GCNT1: variants seen among roughly 807,000 people sequenced by gnomAD.
The protein encoded by GCNT1 is glucosaminyl (N-acetyl) transferase 1.
A neutral mutation model predicts 26.2 loss-of-function variants in GCNT1; 16 were observed. The observed-to-expected ratio is 0.61, with a 90% CI of 0.41 to 0.93. The LOEUF (loss-of-function observed/expected upper bound fraction) is 0.93. GCNT1 is among the 40% of genes least tolerant of loss of function. The probability of loss-of-function intolerance (pLI) is 0.00; values close to 1 mark genes in which losing one functional copy is unlikely to be tolerated. For synonymous variants in GCNT1, 183 were observed against 190.8 expected, an observed-to-expected ratio of 0.96 and a Z score of 0.34; for missense variants, 477 against 526.7, an observed-to-expected ratio of 0.91 and a Z score of 0.92.
chr9:76,425,521 C>A (rs1458774448), intron 1 of GCNT1, among the ~76,000 whole-genome samples: 7 of 152,054 alleles, frequency 4.6e-5, no homozygotes, highest in South Asian at 2.1e-4. Flanking sequence ...CTGCACCCGG[C>A]CTTAATTTAA....
chr9:76,416,185 GA>G (rs1823130861), upstream of GCNT1, among the ~76,000 whole-genome samples: 2 of 152,104 alleles, frequency 1.3e-5, no homozygotes, highest in African/African-American at 4.8e-5. Context: ...GGCAGAGAAG[GA>G]AAGAAGAGAA....
Position 76,502,516 on chromosome 9 carries a change from C to T in GCNT1, c.135C>T (p.His45=), listed in dbSNP as rs1825106409. The change falls in exon 4 of 4, where the codon CAC becomes CAT. Residue 45 remains histidine, a synonymous_variant. Coordinates refer to ENST00000376730, the MANE Select transcript of GCNT1 (RefSeq NM_001490.5). Reference sequence around the variant, plus strand: ...AGCCTGAATTTGTAAGTGTCAGACACTTGGAGCTTGCTGGGGAGAATCCTA... The same window carrying T: ...AGCCTGAATTTGTAAGTGTCAGACATTTGGAGCTTGCTGGGGAGAATCCTA... The part of the protein sequence containing the change: ...HQKPEFVSVR[H]LELAGENPSS... 1 of 1,613,874 alleles carries T rather than the reference C, an allele frequency of 6.2e-7. No individual in the cohort carries two copies. The highest frequency in any genetic ancestry group is 8.5e-7 in the Non-Finnish European group (1 of 1,179,900).
At chr9:76,397,368 A>G in the GCNT1 span, among the ~76,000 whole-genome samples, 3 of 152,168 alleles carry the variant, frequency 2.0e-5, no homozygotes, top group African/African-American at 2.4e-5. Flanking sequence ...TCAGGCTCCA[A>G]TCTTTAAAAC....
chr9:76,468,543 G>T (rs1032158010), intron 2 of GCNT1, among the ~76,000 whole-genome samples: 6 of 152,358 alleles, frequency 3.9e-5, no homozygotes, highest in Non-Finnish European at 8.8e-5. Context: ...GCTTTAGTCT[G>T]TAGAAGCTTT....
intron 2 of GCNT1, among the ~76,000 whole-genome samples, chr9:76,478,175 G>A (rs1314760979): frequency 1.3e-5 from 2 of 152,180 alleles, no homozygotes; most frequent in African/African-American, 4.8e-5. Flanking sequence ...AACCTGCTCA[G>A]GTATCCTTCC....
intron 2 of GCNT1, among the ~76,000 whole-genome samples, chr9:76,479,648 A>G (rs1419597002): frequency 3.9e-5 from 6 of 152,218 alleles, no homozygotes; most frequent in African/African-American, 9.6e-5. Context: ...TGTTGGCTGC[A>G]TAAATGTCTT....
At chr9:76,414,066 G>C in the GCNT1 span, among the ~76,000 whole-genome samples, 4 of 152,098 alleles carry the variant, frequency 2.6e-5, no homozygotes, top group African/African-American at 9.7e-5. Flanking sequence ...TTCTTACTTA[G>C]AATTTCCATC....
At chr9:76,469,454 A>G (rs1350715043) in intron 2 of GCNT1, among the ~76,000 whole-genome samples, 3 of 152,218 alleles carry the variant, frequency 2.0e-5, no homozygotes, top group South Asian at 2.1e-4. Flanking sequence ...GACAATGATC[A>G]GGACATAAAC....
intron 2 of GCNT1, among the ~76,000 whole-genome samples, chr9:76,493,391 A>G (rs996657637): frequency 1.3e-5 from 2 of 152,162 alleles, no homozygotes; most frequent in African/African-American, 4.8e-5. Context: ...AGTTTGATCT[A>G]ACAATAGCAT....
intron 1 of GCNT1, among the ~76,000 whole-genome samples, chr9:76,426,923 C>A (rs1483169100): frequency 6.6e-6 from 1 of 152,048 alleles, no homozygotes; most frequent in Admixed American, 6.6e-5. Context: ...AAAAACAAAA[C>A]AAAACAAGAA....
chr9:76,429,965 C>G (rs1022675123), intron 1 of GCNT1, among the ~76,000 whole-genome samples: 2 of 152,084 alleles, frequency 1.3e-5, no homozygotes, highest in Non-Finnish European at 2.9e-5. Flanking sequence ...CTGCCCGCCT[C>G]GGCCTCCCAA....
chr9:76,416,556 C>T (rs1179249383), upstream of GCNT1, among the ~76,000 whole-genome samples: 1 of 152,238 alleles, frequency 6.6e-6, no homozygotes, highest in Non-Finnish European at 1.5e-5. Flanking sequence ...AGCCTTGGCA[C>T]CTGCTTGCCT....
chr9:76,445,856 G>C (rs1348092768), intron 1 of GCNT1, among the ~76,000 whole-genome samples: 12 of 83,494 alleles, frequency 1.4e-4, no homozygotes, highest in African/African-American at 5.9e-4. Context: ...GGTGGTGTGT[G>C]CCTGTTCCAG....
rs532132124 is a variant in GCNT1 at position 76,447,151 on chromosome 9, CAAAAAAAAAAA to C, written c.-290+4855_-290+4865del. 1.6e-3 allele frequency among the ~76,000 whole-genome samples: 59 copies of C among 35,992 alleles called. 1 individual carries two copies. Among genetic ancestry groups the C allele is most frequent in the African/African-American group, 6.2e-3 (54 of 8,680 alleles). The allele number at this position is 35,992 out of a possible 152,430, so 23.6% of individuals were successfully genotyped here. A position where few individuals can be genotyped will look rare whatever the true frequency, so the allele number is the denominator to read the frequency against. ...TCCTGGGCAGAGTGAAACCCTGTGT[CAAAAAAAAAAA>C]AAAAAAAAAAAAAAAAAAGAACAGA... On this transcript the variant is annotated intron_variant, in intron 1 of 2. Transcript: ENST00000442371.
At chr9:76,436,447 G>T (rs531846592) in intron 1 of GCNT1, among the ~76,000 whole-genome samples, 14 of 151,736 alleles carry the variant, frequency 9.2e-5, no homozygotes, top group Non-Finnish European at 1.9e-4. Flanking sequence ...AATTAACTGG[G>T]CATGGTGGCA....
chr9:76,409,743 G>A, the GCNT1 span, among the ~76,000 whole-genome samples: 1 of 152,212 alleles, frequency 6.6e-6, no homozygotes, highest in East Asian at 1.9e-4. Context: ...ACCGCATCTG[G>A]CTGATTTTTA....
chr9:76,394,907 T>A, the GCNT1 span, among the ~76,000 whole-genome samples: 3 of 152,308 alleles, frequency 2.0e-5, no homozygotes, highest in African/African-American at 7.2e-5. Flanking sequence ...TCACAGAGGC[T>A]TTTCCTGGCC....
intron 1 of GCNT1, among the ~76,000 whole-genome samples, chr9:76,433,936 C>T (rs10869776): frequency 0.39 from 59,181 of 151,906 alleles, 11,818 homozygotes; most frequent in Non-Finnish European, 0.43. Context: ...GAGCTGATGC[C>T]TGTGAAAGAG....
At chr9:76,487,461 AGGT>A (rs1314936874) in intron 2 of GCNT1, among the ~76,000 whole-genome samples, 1 of 152,192 alleles carries the variant, frequency 6.6e-6, no homozygotes, top group Non-Finnish European at 1.5e-5. Flanking sequence ...GAAGGGCAAT[AGGT>A]TGGTGACCCA....
Sources: allele counts gnomAD v4.1 joint callset (sites outside exome capture counted in the v4.1 genomes callset), GRCh38; gene constraint gnomAD v4.1.1; transcripts MANE v1.5; gene names NCBI Gene and HGNC (gene_info 2026-07-23, HGNC 2026-07-21).